EHD1: variants seen among roughly 807,000 people sequenced by gnomAD.
The protein encoded by EHD1 is EH domain-containing protein 1.
A neutral mutation model predicts 39.0 loss-of-function variants in EHD1; 19 were observed. The observed-to-expected ratio is 0.49, with a 90% CI of 0.34 to 0.72. The LOEUF is 0.72. EHD1 is among the 30% of genes least tolerant of loss of function. The pLI, the probability that EHD1 is intolerant of heterozygous loss-of-function variation, is 0.01. For synonymous variants in EHD1, 323 were observed against 331.2 expected (o/e 0.98, Z 0.27); for missense variants, 542 against 751.5 (o/e 0.72, Z 3.26).
Position 64,853,142 on chromosome 11 carries a change from T to C in EHD1, c.*1191A>G, listed in dbSNP as rs944365541. 1.9e-5 allele frequency: 2 copies of C among 104,600 alleles called. No individual in the cohort carries two copies. The highest frequency in any genetic ancestry group is 2.2e-4 in the Admixed American group (2 of 9,250). The allele number at this position is 104,600 out of a possible 1,614,324, so 6.5% of individuals were successfully genotyped here. A position where few individuals can be genotyped will look rare whatever the true frequency, so the allele number is the denominator to read the frequency against. Reference sequence around the variant, plus strand: ...CACTGGGCCGCAAGGTTCTGGTTTCTTATTGCTCAACCTGGGGGCCAGGGG... The same window carrying C: ...CACTGGGCCGCAAGGTTCTGGTTTCCTATTGCTCAACCTGGGGGCCAGGGG... On this transcript the variant is annotated 3_prime_UTR_variant, in exon 5 of 5. Transcript: ENST00000320631.
Position 64,854,145 on chromosome 11 carries a change from C to A in EHD1, c.*188G>T, listed in dbSNP as rs1016088375. 2 of 967,712 alleles carry A rather than the reference C, an allele frequency of 2.1e-6. No individual in the cohort carries two copies. Among genetic ancestry groups the A allele is most frequent in the East Asian group, 5.3e-5 (2 of 37,804 alleles). 59.9% of individuals were successfully genotyped at this position (967,712 alleles called of 1,614,324 possible). ...ACAGTTCTTGTGCACACAATTCCAT[C>A]CTCTCACCCCTGCCTCCCCCGCCAG... On this transcript the variant is annotated 3_prime_UTR_variant, in exon 5 of 5. Coordinates refer to ENST00000320631, the MANE Select transcript of EHD1 (RefSeq NM_006795.4).
At position 64,860,149 on chromosome 11, in the gene EHD1, C is replaced by T. The variant is rs1292743440; in HGVS notation, c.690G>A (p.Met230Ile). Residue 230 changes from methionine to isoleucine, a missense_variant, in exon 3 of 5, where the codon ATG becomes ATA. Physicochemically the swap from Met to Ile is conservative, Grantham distance 10 (BLOSUM62 1). Transcript: ENST00000320631. ...ACCACATGAGGGCCCCGTACACCCG[C>T]ATCAGCTGCTGCGTCTCGATCTGGT... ...KADQIETQQL[M>I]RVYGALMWSL... 1.2e-6 allele frequency: 2 copies of T among 1,614,184 alleles called. No individual in the cohort carries two copies.
At chr11:64,866,577 A>G (rs991572496) in intron 2 of EHD1, among the ~76,000 whole-genome samples, 6 of 151,998 alleles carry the variant, frequency 3.9e-5, no homozygotes, top group African/African-American at 1.5e-4. Flanking sequence ...TACTTGGGAC[A>G]CTGAGGTAAG....
chr11:64,869,947 G>A (rs1943810311), intron 2 of EHD1, among the ~76,000 whole-genome samples: 1 of 152,198 alleles, frequency 6.6e-6, no homozygotes, highest in African/African-American at 2.4e-5. Flanking sequence ...TGTGGGCAGG[G>A]AGGCCCCATC....
chr11:64,878,351 C>T lies in EHD1; in HGVS notation c.114G>A (p.Glu38=). The T allele has an allele frequency of 6.2e-7, 1 of 1,614,058 alleles. No individual in the cohort carries two copies. The highest frequency in any genetic ancestry group is 8.5e-7 in the Non-Finnish European group (1 of 1,180,034). Residue 38 remains glutamate, a synonymous_variant, in exon 1 of 5, where the codon GAG becomes GAA. Coordinates refer to ENST00000320631, the MANE Select transcript of EHD1 (RefSeq NM_006795.4). ...LYAQKLLPLE[E]HYRFHEFHSP... ...AGTGGAACTCGTGGAAGCGGTAGTG[C>T]TCCTCCAGGGGTAGCAGCTTCTGCG...
chr11:64,863,498 T>C (rs1048405305), intron 2 of EHD1, among the ~76,000 whole-genome samples: 3 of 152,226 alleles, frequency 2.0e-5, no homozygotes, highest in East Asian at 3.8e-4. Flanking sequence ...GCTCCCACCC[T>C]GCAAAGCCCT....
chr11:64,855,824 C>T (rs891301850), intron 3 of EHD1: 4 of 333,690 alleles, frequency 1.2e-5, no homozygotes, highest in Non-Finnish European at 2.3e-5. Flanking sequence ...GGCAATTTGT[C>T]GTGTACCACT....
rs758153764 is a variant in EHD1, at chr11:64,878,313, T to C, written c.152A>G (p.Glu51Gly). Reference protein sequence around the residue: ...RFHEFHSPALEDADFDNKPMV... With the variant: ...RFHEFHSPALGDADFDNKPMV... ...AGGCTTGTTGTCGAAGTCAGCGTCC[T>C]CCAGCGCGGGCGAGTGGAACTCGTG... is the stretch of plus-strand genomic sequence containing the variant. Residue 51 changes from glutamate (E) to glycine (G), a missense_variant, in exon 1 of 5, where the codon GAG (glutamate) becomes GGG (glycine). Transcript: ENST00000320631. The C allele has an allele frequency of 6.2e-7, 1 of 1,614,184 alleles. No individual in the cohort carries two copies. The highest frequency in any genetic ancestry group is 1.3e-5 in the African/African-American group (1 of 75,064).
intron 2 of EHD1, 72 bp downstream of exon 2, chr11:64,874,349 C>G: frequency 8.3e-7 from 1 of 1,208,878 alleles, no homozygotes; most frequent in Non-Finnish European, 1.2e-6. Context: ...AGCATCTGAA[C>G]CAAGTTGCAG....
At chr11:64,859,786 G>C (rs1043457961) in intron 3 of EHD1, 138 bp downstream of exon 3, 2 of 1,247,838 alleles carry the variant, frequency 1.6e-6, no homozygotes, top group Admixed American at 2.9e-5. Context: ...GGTTTCTATA[G>C]AGGGAAACAG....
chr11:64,879,464 A>C (rs1272493306), upstream of EHD1: 1 of 1,286,074 alleles, frequency 7.8e-7, no homozygotes, highest in Non-Finnish European at 1.1e-6. Flanking sequence ...GAAATTCCCT[A>C]TGTGGGGAAG....
chr11:64,865,411 G>A (rs1440489667), intron 2 of EHD1, among the ~76,000 whole-genome samples: 5 of 152,242 alleles, frequency 3.3e-5, no homozygotes, highest in African/African-American at 7.2e-5. Context: ...CAGCACCCCC[G>A]GCACTGCCCA....
At chr11:64,867,314 G>C (rs1289394818) in intron 2 of EHD1, among the ~76,000 whole-genome samples, 3 of 151,838 alleles carry the variant, frequency 2.0e-5, no homozygotes, top group African/African-American at 7.3e-5. Context: ...AGCTACCCAA[G>C]AGGCCGAGGC....
In EHD1 at chr11:64,852,760, G is replaced by A. The variant is rs898849393; in HGVS notation, c.*1573C>T. 1 of 152,572 alleles carries A rather than the reference G, an allele frequency of 6.6e-6. No homozygotes were observed. The highest frequency in any genetic ancestry group is 2.4e-5 in the African/African-American group (1 of 41,468). The allele number at this position is 152,572 out of a possible 1,614,324, so 9.5% of individuals were successfully genotyped here. On this transcript the variant is annotated 3_prime_UTR_variant, in exon 5 of 5. Coordinates refer to ENST00000320631, the MANE Select transcript of EHD1 (RefSeq NM_006795.4). ...GCACAGTTCAGACTTTTTAATGCAA[G>A]GAGAAAGTCTTCACTTCTCTTCCCA... is the stretch of plus-strand genomic sequence containing the variant.
At chr11:64,855,123 G>A in intron 4 of EHD1, 199 bp downstream of exon 4, 1 of 957,298 alleles carries the variant, frequency 1.0e-6, no homozygotes, top group Non-Finnish European at 1.5e-6. Flanking sequence ...ACCACGCAGG[G>A]TGAGTCACCA....
chr11:64,874,574 G>T, intron 1 of EHD1, 56 bp from the exon 2 acceptor site: 1 of 1,415,794 alleles, frequency 7.1e-7, no homozygotes, highest in Non-Finnish European at 9.5e-7. Flanking sequence ...TCACTGCTCC[G>T]GACACAACAA....
rs958886354 is a variant in EHD1, at chr11:64,854,473, C to A, written c.1465G>T (p.Asp489Tyr). 6.2e-7 allele frequency: 1 copy of A among 1,614,168 alleles called. No homozygotes were observed. The highest frequency in any genetic ancestry group is 1.1e-5 in the South Asian group (1 of 91,088). The part of the protein sequence containing the change: ...TVLGKIWKLA[D>Y]VDKDGLLDDE... Reference sequence around the variant, plus strand: ...TCCAGCAGCCCGTCCTTGTCCACGTCGGCCAGCTTCCAGATCTTCCCTAGC... The same window carrying A: ...TCCAGCAGCCCGTCCTTGTCCACGTAGGCCAGCTTCCAGATCTTCCCTAGC... Residue 489 changes from aspartate (D) to tyrosine (Y), a missense_variant, in exon 5 of 5, where the codon GAC becomes TAC. By Grantham distance (160) the Asp-to-Tyr change is radical. Coordinates refer to ENST00000320631, the MANE Select transcript of EHD1 (RefSeq NM_006795.4).
chr11:64,859,289 G>T (rs1821033129), intron 3 of EHD1, among the ~76,000 whole-genome samples: 1 of 152,214 alleles, frequency 6.6e-6, no homozygotes, highest in Non-Finnish European at 1.5e-5. Flanking sequence ...GGAGGCTGAG[G>T]TGGGCAGATC....
Position 64,874,527 on chromosome 11 carries a change from G to A in EHD1, c.405-9C>T, listed in dbSNP as rs1285798693. ...GCTGGGCACACATGAACCTACATGA[G>A]AGCAAGAGCCAGAAGAGAGGCGTCA... On this transcript the variant is annotated splice_polypyrimidine_tract_variant and intron_variant, in intron 1 of 4. Coordinates refer to ENST00000320631, the MANE Select transcript of EHD1 (RefSeq NM_006795.4). The A allele has an allele frequency of 3.1e-6, 5 of 1,596,118 alleles. No homozygotes were observed. Among genetic ancestry groups the A allele is most frequent in the South Asian group, 2.3e-5 (2 of 88,290 alleles).
Sources: allele counts gnomAD v4.1 joint callset (sites outside exome capture counted in the v4.1 genomes callset), GRCh38; gene constraint gnomAD v4.1.1; transcripts MANE v1.5; gene names NCBI Gene and HGNC (gene_info 2026-07-23, HGNC 2026-07-21).